Variants in WIPF1 observed in about 807,000 individuals in gnomAD.
WIPF1 encodes the protein WAS/WASL interacting protein family member 1, also known as WAS/WASL-interacting protein family member 1.
WIPF1 carries 13 observed loss-of-function variants against 35.4 expected under a neutral mutation model. The observed-to-expected ratio is 0.37, with a 90% CI of 0.24 to 0.58. The LOEUF (loss-of-function observed/expected upper bound fraction) is 0.58. Ranked by LOEUF, WIPF1 falls within the 20% of genes least tolerant of loss-of-function variation. WIPF1 has a pLI of 0.74. For missense variants in WIPF1, 591 were observed against 667.0 expected (o/e 0.89, Z 1.25); for synonymous variants, 267 against 266.3 (o/e 1.00, Z -0.02).
chr2:174,570,023 T>C (rs1487742360), intron 5 of WIPF1, among the ~76,000 whole-genome samples: 1 of 152,340 alleles, frequency 6.6e-6, no homozygotes, highest in South Asian at 2.1e-4. Flanking sequence ...ATTCCACTTA[T>C]AGGAATTAAT....
At chr2:174,672,750 C>A (rs1284137327) in intron 1 of WIPF1, among the ~76,000 whole-genome samples, 2 of 152,208 alleles carry the variant, frequency 1.3e-5, no homozygotes, top group Non-Finnish European at 2.9e-5. Flanking sequence ...CCTGTTCCTG[C>A]AGATTCTCTA....
At chr2:174,679,859 A>G (rs189943549) in intron 1 of WIPF1, among the ~76,000 whole-genome samples, 35 of 152,348 alleles carry the variant, frequency 2.3e-4, no homozygotes, top group Admixed American at 1.6e-3. Context: ...GCCCTAGTGA[A>G]CAAAAGTTAG....
chr2:174,621,474 C>A (rs1252581114), intron 1 of WIPF1, among the ~76,000 whole-genome samples: 3 of 152,018 alleles, frequency 2.0e-5, no homozygotes, highest in African/African-American at 7.2e-5. Context: ...TATACAGCTA[C>A]AACTCTCCTA....
chr2:174,668,028 G>A (rs931661447), intron 1 of WIPF1, among the ~76,000 whole-genome samples: 8 of 152,148 alleles, frequency 5.3e-5, no homozygotes, highest in African/African-American at 1.7e-4. Context: ...ACCTTGCTAA[G>A]CACCCTCCCC....
intron 6 of WIPF1, among the ~76,000 whole-genome samples, 196 bp downstream of exon 6, chr2:174,567,665 G>A (rs1032259813): frequency 4.6e-5 from 7 of 152,234 alleles, no homozygotes; most frequent in African/African-American, 1.7e-4. Flanking sequence ...GCCTTTTTGG[G>A]AAGTGGGGAA....
chr2:174,567,937 C>G lies in WIPF1; in HGVS notation c.1266G>C (p.Arg422Ser). 1 of 1,613,998 alleles carries G rather than the reference C, an allele frequency of 6.2e-7. No individual in the cohort carries two copies. The highest frequency in any genetic ancestry group is 8.5e-7 in the Non-Finnish European group (1 of 1,179,948). ...GTGGGGGAGGTGCCCCAGCACTGGG[C>G]CTATCAGGAGGAAGGGGAGGCCTGG... ...SGPRPPLPPD[R>S]PSAGAPPPPP... The change falls in exon 6 of 8, where the codon AGG becomes AGC. Residue 422 changes from arginine to serine, a missense_variant. This residue lies in a region of WIPF1 where 117 missense variants were observed against 149.6 expected (regional missense o/e 0.78). Coordinates refer to ENST00000679041, the MANE Select transcript of WIPF1 (RefSeq NM_001375834.1).
intron 1 of WIPF1, among the ~76,000 whole-genome samples, chr2:174,620,413 TA>T (rs1686639279): frequency 6.6e-6 from 1 of 152,206 alleles, no homozygotes; most frequent in Admixed American, 6.5e-5. Flanking sequence ...CACAAGAATA[TA>T]TTTGAAAAAG....
chr2:174,580,252 T>C (rs1266588129), intron 3 of WIPF1, among the ~76,000 whole-genome samples: 1 of 152,126 alleles, frequency 6.6e-6, no homozygotes, highest in Non-Finnish European at 1.5e-5. Flanking sequence ...CGCCCGGCCA[T>C]AGTTCCTTTT....
chr2:174,629,076 T>C (rs753823181), intron 1 of WIPF1, among the ~76,000 whole-genome samples: 40 of 152,304 alleles, frequency 2.6e-4, no homozygotes, highest in Admixed American at 7.8e-4. Flanking sequence ...TACCTCCTTA[T>C]GGACCCTTAA....
chr2:174,575,718 T>G (rs375578683), intron 3 of WIPF1, among the ~76,000 whole-genome samples: 2 of 152,174 alleles, frequency 1.3e-5, no homozygotes, highest in East Asian at 3.9e-4. Flanking sequence ...GGCTCACACA[T>G]GTAATCTCAG....
intron 1 of WIPF1, among the ~76,000 whole-genome samples, chr2:174,595,939 A>G (rs1455907668): frequency 1.3e-5 from 2 of 152,364 alleles, no homozygotes; most frequent in Middle Eastern, 3.4e-3. Context: ...GAAACTTCCA[A>G]AGTAAATGAT....
At position 174,590,534 on chromosome 2, in the gene WIPF1, G is replaced by A. The variant is rs1002107096; in HGVS notation, c.-38-4923C>T. On this transcript the variant is annotated intron_variant, in intron 1 of 7. Coordinates refer to ENST00000679041, the MANE Select transcript of WIPF1 (RefSeq NM_001375834.1). The surrounding 1 kb of genome is among the most constrained non-coding windows in gnomAD (Gnocchi z 4.6). ...CATTTGGTTCTTCCCTTGGAGATGG[G>A]AGCATGGCAGGAAAGGCAGCTGATT... Among the ~76,000 whole-genome samples, 1 of 152,216 alleles carries A rather than the reference G, an allele frequency of 6.6e-6. No individual in the cohort carries two copies. The highest frequency in any genetic ancestry group is 1.5e-5 in the Non-Finnish European group (1 of 68,038).
intron 2 of WIPF1, among the ~76,000 whole-genome samples, chr2:174,584,417 T>G (rs1308475283): frequency 2.0e-5 from 3 of 152,108 alleles, no homozygotes; most frequent in African/African-American, 4.8e-5. Flanking sequence ...GCAAGAAACT[T>G]TCTCTCCAAG....
chr2:174,642,649 T>C (rs1185722441), intron 1 of WIPF1, among the ~76,000 whole-genome samples: 2 of 148,990 alleles, frequency 1.3e-5, no homozygotes, highest in African/African-American at 5.2e-5. Flanking sequence ...GCCCGGCCTT[T>C]TTTGTTGTTG....
rs1004160316 is a variant in WIPF1 at position 174,560,315 on chromosome 2, C to T, written c.*2232G>A. The stretch of plus-strand genomic sequence containing the variant: ...ATGAATGGCAACTTTGAGCTATCAC[C>T]CTGTTTCAGATTTAGAACGGTACCT... On this transcript the variant is annotated 3_prime_UTR_variant, in exon 8 of 8. Coordinates refer to ENST00000679041, the MANE Select transcript of WIPF1 (RefSeq NM_001375834.1). 1 of 152,550 alleles carries T rather than the reference C, an allele frequency of 6.6e-6. No homozygotes were observed. The highest frequency in any genetic ancestry group is 1.5e-5 in the Non-Finnish European group (1 of 68,004). 9.4% of individuals were successfully genotyped at this position (152,550 alleles called of 1,614,324 possible). A position where few individuals can be genotyped will look rare whatever the true frequency, so the allele number is the denominator to read the frequency against.
At chr2:174,597,048 T>G (rs569605245) in intron 1 of WIPF1, among the ~76,000 whole-genome samples, 15 of 152,236 alleles carry the variant, frequency 9.9e-5, no homozygotes, top group Non-Finnish European at 2.1e-4. Context: ...CACACTGTTA[T>G]AACAGGAATA....
intron 1 of WIPF1, among the ~76,000 whole-genome samples, chr2:174,671,855 C>T (rs908798723): frequency 2.0e-5 from 3 of 152,128 alleles, no homozygotes; most frequent in Non-Finnish European, 2.9e-5. Flanking sequence ...AATGCGTGCC[C>T]GAAACTTCAT....
chr2:174,600,954 G>A (rs886838135), upstream of WIPF1, among the ~76,000 whole-genome samples: 2 of 111,578 alleles, frequency 1.8e-5, no homozygotes, highest in East Asian at 2.6e-4. Flanking sequence ...AGACAGAGTC[G>A]TACTCTGTCA....
chr2:174,626,993 C>G (rs146465602), intron 1 of WIPF1, among the ~76,000 whole-genome samples: 1 of 152,336 alleles, frequency 6.6e-6, no homozygotes, highest in Non-Finnish European at 1.5e-5. Flanking sequence ...GATCTCACCT[C>G]CAAATTACTG....
Sources: allele counts gnomAD v4.1 joint callset (sites outside exome capture counted in the v4.1 genomes callset), GRCh38; gene constraint gnomAD v4.1.1; regional missense constraint gnomAD v4.1.1; non-coding constraint Gnocchi (gnomAD v3.1); transcripts MANE v1.5; gene names NCBI Gene and HGNC (gene_info 2026-07-23, HGNC 2026-07-21).